The following SGMS1 variants were observed in gnomAD, a reference collection of about 807,000 sequenced individuals.
SGMS1 encodes the protein sphingomyelin synthase 1.
Under a neutral mutation model 46.2 loss-of-function variants are expected in SGMS1, and 13 were observed. The ratio of observed to expected loss-of-function variants is 0.28; its 90% confidence interval spans 0.18 to 0.45. SGMS1 has a LOEUF of 0.45. Among genes scored for constraint, SGMS1 ranks in the 20% least tolerant of loss-of-function variants. The pLI is 1.00. For missense variants in SGMS1, 324 were observed against 519.9 expected (o/e 0.62, Z 3.66); for synonymous variants, 203 against 187.8 (o/e 1.08, Z -0.66).
chr10:50,428,303 T>C (rs1216353575), intron 6 of SGMS1, among the ~76,000 whole-genome samples: 1 of 152,062 alleles, frequency 6.6e-6, no homozygotes, highest in African/African-American at 2.4e-5. Flanking sequence ...GAGCAGGCCA[T>C]ACCTATTAAA....
At chr10:50,324,288 T>C (rs913052707) in intron 8 of SGMS1, among the ~76,000 whole-genome samples, 2 of 152,330 alleles carry the variant, frequency 1.3e-5, no homozygotes, top group Non-Finnish European at 2.9e-5. Flanking sequence ...ACCTTAACTT[T>C]AGTGTTCTTT....
intron 3 of SGMS1, among the ~76,000 whole-genome samples, chr10:50,501,021 A>C (rs1236936986): frequency 2.0e-5 from 3 of 152,218 alleles, no homozygotes; most frequent in Non-Finnish European, 4.4e-5. Context: ...GGGAAGACAC[A>C]GGGTCACATT....
chr10:50,318,580 G>A lies in SGMS1; in HGVS notation c.742-7165C>T, dbSNP rs1007958874. Among the ~76,000 whole-genome samples, 6 of 151,984 alleles carry A rather than the reference G, an allele frequency of 3.9e-5. No homozygotes were observed. The South Asian group carries it at 6.2e-4, about 16-fold the overall frequency. On this transcript the variant is annotated intron_variant, in intron 8 of 10. Transcript: ENST00000361781. ...CCTTAAATATAGATCCCTGCCGGAC[G>A]CTCACTGGTGGCCATCTCTTGATCA...
At chr10:50,560,249 T>C (rs144512085) in intron 2 of SGMS1, among the ~76,000 whole-genome samples, 3 of 142,414 alleles carry the variant, frequency 2.1e-5, no homozygotes, top group African/African-American at 7.7e-5. Context: ...TATTATGTAA[T>C]ATACATAATA....
At chr10:50,557,360 T>C (rs1164629455) in intron 2 of SGMS1, among the ~76,000 whole-genome samples, 2 of 152,172 alleles carry the variant, frequency 1.3e-5, no homozygotes, top group East Asian at 3.8e-4. Context: ...TGAAGCATCA[T>C]TATTAGTCAT....
At chr10:50,314,916 G>A (rs1032594003) in intron 8 of SGMS1, among the ~76,000 whole-genome samples, 1 of 152,116 alleles carries the variant, frequency 6.6e-6, no homozygotes, top group African/African-American at 2.4e-5. Context: ...GTGAGACCCT[G>A]TCTCTAAAAA....
At chr10:50,535,421 A>G (rs1346548223) in intron 2 of SGMS1, among the ~76,000 whole-genome samples, 5 of 151,460 alleles carry the variant, frequency 3.3e-5, no homozygotes, top group African/African-American at 1.2e-4. Flanking sequence ...GCTGGAGTGC[A>G]GTGGTGCAAT....
At chr10:50,474,483 G>A (rs1837403091) in intron 3 of SGMS1, among the ~76,000 whole-genome samples, 1 of 151,982 alleles carries the variant, frequency 6.6e-6, no homozygotes, top group African/African-American at 2.4e-5. Flanking sequence ...CCTCTCTGTG[G>A]GCAGTGTTTG....
chr10:50,589,729 C>T (rs754789552), intron 2 of SGMS1, among the ~76,000 whole-genome samples: 37 of 152,180 alleles, frequency 2.4e-4, no homozygotes, highest in Non-Finnish European at 4.9e-4. Context: ...CCCTCAGCCT[C>T]CCAAAGTGCC....
At chr10:50,388,625 CA>C (rs1170231022) in intron 6 of SGMS1, among the ~76,000 whole-genome samples, 1 of 151,646 alleles carries the variant, frequency 6.6e-6, no homozygotes, top group Non-Finnish European at 1.5e-5. Context: ...AGAAATAAAA[CA>C]AAAAACAAAA....
chr10:50,404,778 T>C (rs1448887453), intron 6 of SGMS1, among the ~76,000 whole-genome samples: 2 of 152,052 alleles, frequency 1.3e-5, no homozygotes, highest in African/African-American at 4.8e-5. Context: ...ATAAATCCAA[T>C]AGCTAAACAC....
At chr10:50,362,350 C>T (rs1589406973) in intron 6 of SGMS1, among the ~76,000 whole-genome samples, 1 of 152,224 alleles carries the variant, frequency 6.6e-6, no homozygotes, top group East Asian at 1.9e-4. Flanking sequence ...TGGACTCTAG[C>T]TGCTAGGGGT....
intron 3 of SGMS1, among the ~76,000 whole-genome samples, chr10:50,498,546 T>C (rs1376452876): frequency 6.6e-6 from 1 of 152,208 alleles, no homozygotes; most frequent in Non-Finnish European, 1.5e-5. Context: ...ACCTCATATA[T>C]GTAGAAGCAT....
chr10:50,398,091 A>T (rs979441126), intron 6 of SGMS1, among the ~76,000 whole-genome samples: 1 of 152,054 alleles, frequency 6.6e-6, no homozygotes, highest in South Asian at 2.1e-4. Context: ...CATTCTGCAA[A>T]TTTTTTCTCT....
intron 6 of SGMS1, among the ~76,000 whole-genome samples, chr10:50,355,420 G>A (rs535801891): frequency 2.9e-4 from 44 of 152,282 alleles, no homozygotes; most frequent in East Asian, 7.7e-4. Flanking sequence ...GATTGCAGGC[G>A]CGCGCCACCA....
intron 2 of SGMS1, among the ~76,000 whole-genome samples, chr10:50,570,978 A>G (rs929442118): frequency 2.0e-5 from 3 of 152,116 alleles, no homozygotes; most frequent in Non-Finnish European, 4.4e-5. Context: ...AATAAAATAA[A>G]TTAAAATTTA....
chr10:50,593,485 C>T (rs577499359), intron 1 of SGMS1, among the ~76,000 whole-genome samples: 2 of 152,072 alleles, frequency 1.3e-5, no homozygotes, highest in Non-Finnish European at 2.9e-5. Context: ...GTACCTAATA[C>T]CAGTGTTTAA....
chr10:50,596,940 T>C (rs890072396), intron 1 of SGMS1, among the ~76,000 whole-genome samples: 12 of 152,222 alleles, frequency 7.9e-5, no homozygotes, highest in Admixed American at 2.0e-4. Context: ...TCGTTGCACA[T>C]GGTAGGCACT....
At chr10:50,487,664 T>C (rs985251137) in intron 3 of SGMS1, among the ~76,000 whole-genome samples, 2 of 152,324 alleles carry the variant, frequency 1.3e-5, no homozygotes, top group Non-Finnish European at 2.9e-5. Context: ...ATAATCTTTT[T>C]CATTTCAGAA....
Sources: allele counts gnomAD v4.1 joint callset (sites outside exome capture counted in the v4.1 genomes callset), GRCh38; gene constraint gnomAD v4.1.1; transcripts MANE v1.5; gene names NCBI Gene and HGNC (gene_info 2026-07-23, HGNC 2026-07-21).